AP3B1: variants seen among roughly 807,000 people sequenced by gnomAD.
AP3B1 encodes AP-3 complex subunit beta-1.
AP3B1 carries 61 observed loss-of-function variants against 132.5 expected under a neutral mutation model. The ratio of observed to expected loss-of-function variants is 0.46; its 90% confidence interval spans 0.37 to 0.57. AP3B1 has a LOEUF of 0.57. Among genes scored for constraint, AP3B1 ranks in the 20% least tolerant of loss-of-function variants. The pLI is 0.00. For missense variants in AP3B1, 1,120 were observed against 1,289.4 expected, an observed-to-expected ratio of 0.87 and a Z score of 2.01; for synonymous variants, 388 against 438.3, an observed-to-expected ratio of 0.89 and a Z score of 1.43.
chr5:78,078,186 T>C (rs969174450), intron 22 of AP3B1, among the ~76,000 whole-genome samples: 1 of 152,192 alleles, frequency 6.6e-6, no homozygotes. Flanking sequence ...CAGAGTAACA[T>C]GTTCCAAAGA....
At chr5:78,110,116 A>G in intron 20 of AP3B1, 91 bp downstream of exon 20, 1 of 1,183,416 alleles carries the variant, frequency 8.5e-7, no homozygotes, top group Non-Finnish European at 1.2e-6. Flanking sequence ...TAGAAAAAAT[A>G]AAATCACAGG....
intron 2 of AP3B1, among the ~76,000 whole-genome samples, chr5:78,258,573 C>A (rs1561204774): frequency 6.6e-6 from 1 of 151,990 alleles, no homozygotes; most frequent in African/African-American, 2.4e-5. Flanking sequence ...AAAAGGGAAC[C>A]CCTGCACACT....
chr5:78,142,955 G>C (rs935679896), intron 14 of AP3B1, among the ~76,000 whole-genome samples: 1 of 151,958 alleles, frequency 6.6e-6, no homozygotes, highest in Non-Finnish European at 1.5e-5. Flanking sequence ...TTTTAAATTG[G>C]GCTAAAGAAT....
At chr5:78,203,411 AACTC>A (rs904663266) in intron 7 of AP3B1, among the ~76,000 whole-genome samples, 82 of 152,240 alleles carry the variant, frequency 5.4e-4, no homozygotes, top group African/African-American at 1.9e-3. Context: ...GATCTTGTGA[AACTC>A]ACTCACTATC....
intron 14 of AP3B1, among the ~76,000 whole-genome samples, chr5:78,154,794 A>T (rs1743078367): frequency 6.6e-6 from 1 of 152,080 alleles, no homozygotes; most frequent in Non-Finnish European, 1.5e-5. Context: ...TTTCTGCTTG[A>T]TTCTTTTTTA....
At chr5:78,186,316 A>G (rs1744603635) in intron 7 of AP3B1, among the ~76,000 whole-genome samples, 1 of 152,240 alleles carries the variant, frequency 6.6e-6, no homozygotes, top group Admixed American at 6.5e-5. Context: ...AGAATGACAA[A>G]ATGGATAATC....
intron 1 of AP3B1, among the ~76,000 whole-genome samples, chr5:78,285,591 T>C (rs1361217322): frequency 6.6e-6 from 1 of 152,198 alleles, no homozygotes; most frequent in African/African-American, 2.4e-5. Flanking sequence ...TCCAACTGCC[T>C]ATTTAGTATC....
intron 22 of AP3B1, among the ~76,000 whole-genome samples, chr5:78,088,252 C>T (rs1050644803): frequency 9.9e-5 from 15 of 152,142 alleles, no homozygotes; most frequent in Non-Finnish European, 2.1e-4. Context: ...CAATGCTTCT[C>T]CCTCATATCT....
At chr5:78,172,163 G>A (rs760021452) in intron 11 of AP3B1, among the ~76,000 whole-genome samples, 9 of 152,110 alleles carry the variant, frequency 5.9e-5, no homozygotes, top group South Asian at 2.1e-4. Context: ...GAGGATTTTC[G>A]CATCTATGTT....
At chr5:78,140,386 T>C (rs549677102) in intron 15 of AP3B1, among the ~76,000 whole-genome samples, 1 of 152,268 alleles carries the variant, frequency 6.6e-6, no homozygotes, top group African/African-American at 2.4e-5. Flanking sequence ...CTGGGAAGCC[T>C]ATTAATAATA....
intron 11 of AP3B1, 69 bp from the exon 12 acceptor site, chr5:78,165,741 G>C: frequency 9.5e-7 from 1 of 1,050,288 alleles, no homozygotes; most frequent in Non-Finnish European, 1.5e-6. Context: ...ATAGAGTACA[G>C]ACATTTAATT....
chr5:78,168,765 G>A (rs768124033), intron 11 of AP3B1, among the ~76,000 whole-genome samples: 14 of 152,124 alleles, frequency 9.2e-5, no homozygotes, highest in Non-Finnish European at 1.9e-4. Flanking sequence ...CACTATGCAC[G>A]TAAGTTTCAA....
intron 21 of AP3B1, among the ~76,000 whole-genome samples, chr5:78,094,494 TAGAG>T (rs1750687488): frequency 6.6e-6 from 1 of 152,236 alleles, no homozygotes; most frequent in Admixed American, 6.5e-5. Context: ...ACAGATATAA[TAGAG>T]AAATAGTAAG....
chr5:78,143,080 GATTT>G lies in AP3B1; in HGVS notation c.1474-1765_1474-1762del, dbSNP rs1277618116. ...GCAACTTCAAATTTCAGTTATGCTA[GATTT>G]ATTTTTCTTAAATATTTTATTATAT... On this transcript the variant is annotated intron_variant, in intron 14 of 26. Coordinates refer to ENST00000255194, the MANE Select transcript of AP3B1 (RefSeq NM_003664.5). 5.9e-5 allele frequency among the ~76,000 whole-genome samples: 9 copies of G among 152,112 alleles called. No individual in the cohort carries two copies. The East Asian group carries it at 1.7e-3, about 29-fold the overall frequency.
At chr5:78,097,327 G>A (rs1750889579) in intron 21 of AP3B1, among the ~76,000 whole-genome samples, 1 of 137,540 alleles carries the variant, frequency 7.3e-6, no homozygotes, top group African/African-American at 2.7e-5. Flanking sequence ...CCGTCCGGGA[G>A]GGAGGTGGGG....
At chr5:78,264,875 A>G (rs1748253923) in intron 2 of AP3B1, among the ~76,000 whole-genome samples, 1 of 152,228 alleles carries the variant, frequency 6.6e-6, no homozygotes, top group East Asian at 1.9e-4. Context: ...TGGCTTATTA[A>G]AATTTCTTTC....
chr5:78,175,688 C>T lies in AP3B1; in HGVS notation c.1105G>A (p.Glu369Lys). ...ACATAGAAACTCTTCAGATAAGGTT[C>T]AAACATCCCCTGGATTACAAAAATA... ...TMSIQRKGMFEPYLKSFYVRS... is the reference protein window; with the variant it reads ...TMSIQRKGMFKPYLKSFYVRS... The change falls in exon 11 of 27, where the codon GAA becomes AAA. Residue 369 changes from glutamate (E) to lysine (K), a missense_variant. Glu to Lys is a moderately conservative substitution (Grantham distance 56). Around this residue, in one of 3 missense-constraint regions of AP3B1, gnomAD observed 906 missense variants for 997.1 expected, o/e 0.91. Coordinates refer to ENST00000255194, the MANE Select transcript of AP3B1 (RefSeq NM_003664.5). 2 of 1,613,258 alleles carry T rather than the reference C, an allele frequency of 1.2e-6. No homozygotes were observed. The highest frequency in any genetic ancestry group is 2.2e-5 in the South Asian group (2 of 91,052).
chr5:78,283,321 C>A (rs997076431), intron 1 of AP3B1, among the ~76,000 whole-genome samples: 11 of 152,324 alleles, frequency 7.2e-5, no homozygotes, highest in African/African-American at 2.6e-4. Context: ...ACAAACCACA[C>A]AATAAACCAT....
At chr5:78,085,981 A>G (rs762963155) in intron 22 of AP3B1, among the ~76,000 whole-genome samples, 1 of 152,180 alleles carries the variant, frequency 6.6e-6, no homozygotes, top group African/African-American at 2.4e-5. Flanking sequence ...TCAATTTTGC[A>G]TATTACGGAG....
Sources: gnomAD v4.1 joint callset for allele counts (sites outside exome capture counted in the v4.1 genomes callset) on GRCh38, gnomAD v4.1.1 for gene constraint, gnomAD v4.1.1 regional missense constraint, MANE v1.5 for transcripts, NCBI Gene and HGNC (gene_info 2026-07-23, HGNC 2026-07-21) for gene names.